Variants in FOCAD observed in about 807,000 individuals in gnomAD.
FOCAD encodes the protein KIAA1797.
Under a neutral mutation model 225.6 loss-of-function variants are expected in FOCAD, and 198 were observed. The ratio of observed to expected loss-of-function variants is 0.88; its 90% CI spans 0.78 to 0.99. FOCAD has a LOEUF of 0.99. FOCAD is among the 50% of genes least tolerant of loss of function. The probability of loss-of-function intolerance (pLI) is 0.00; values close to 1 mark genes in which losing one functional copy is unlikely to be tolerated. For missense variants in FOCAD, 2,713 were observed against 2,123.6 expected (o/e 1.28, Z -5.46); for synonymous variants, 897 against 755.0 (o/e 1.19, Z -3.08).
At chr9:20,864,377 C>A (rs574756800) in intron 16 of FOCAD, among the ~76,000 whole-genome samples, 1 of 152,204 alleles carries the variant, frequency 6.6e-6, no homozygotes, top group East Asian at 1.9e-4. Context: ...TCCAATAAAA[C>A]CAAACCACTT....
rs1840682277 is a variant in FOCAD at position 20,981,370 on chromosome 9, A to G, written c.4378-56A>G. ...CACAGTGATGATGTACAGGTTTTGAACATTGCAAACCCAGACTTGCCTATT... is the reference window on the plus strand; with the variant it reads ...CACAGTGATGATGTACAGGTTTTGAGCATTGCAAACCCAGACTTGCCTATT... On this transcript the variant is annotated intron_variant, in intron 37 of 43. Coordinates refer to ENST00000338382, the MANE Select transcript of FOCAD (RefSeq NM_001375567.1). 4 of 1,582,586 alleles carry G rather than the reference A, an allele frequency of 2.5e-6. No individual in the cohort carries two copies. In the African/African-American group the frequency reaches 4.0e-5, roughly 16 times the overall value.
At chr9:20,964,510 C>T (rs952809548) in intron 35 of FOCAD, among the ~76,000 whole-genome samples, 1 of 152,106 alleles carries the variant, frequency 6.6e-6, no homozygotes, top group African/African-American at 2.4e-5. Context: ...GGTAGCATAG[C>T]ACAGAAGAGT....
At chr9:20,710,828 C>T (rs1824789502) in intron 1 of FOCAD, among the ~76,000 whole-genome samples, 1 of 151,998 alleles carries the variant, frequency 6.6e-6, no homozygotes, top group African/African-American at 2.4e-5. Context: ...GAGCACAGGG[C>T]CAAATTTGAA....
At chr9:20,713,745 C>T (rs116202450) in intron 1 of FOCAD, among the ~76,000 whole-genome samples, 1,696 of 152,132 alleles carry the variant, frequency 0.011, 36 homozygotes, top group African/African-American at 0.038. Context: ...AATATATGTC[C>T]GCATAGAATC....
intron 10 of FOCAD, among the ~76,000 whole-genome samples, chr9:20,784,505 G>A (rs1819714870): frequency 6.6e-6 from 1 of 152,190 alleles, no homozygotes; most frequent in African/African-American, 2.4e-5. Context: ...GGGAGTAAGG[G>A]TGGATGGGTG....
chr9:20,780,411 C>T (rs569444114), intron 9 of FOCAD, among the ~76,000 whole-genome samples: 4 of 152,166 alleles, frequency 2.6e-5, no homozygotes, highest in Admixed American at 1.3e-4. Flanking sequence ...ATCAAACAGT[C>T]AAATACTTTT....
At chr9:20,840,811 G>A (rs1420690550) in intron 15 of FOCAD, among the ~76,000 whole-genome samples, 1 of 151,910 alleles carries the variant, frequency 6.6e-6, no homozygotes, top group Non-Finnish European at 1.5e-5. Context: ...ATTGTAGAGG[G>A]AAGAATTTCA....
intron 35 of FOCAD, among the ~76,000 whole-genome samples, chr9:20,966,151 A>G (rs1452390139): frequency 6.6e-6 from 1 of 152,114 alleles, no homozygotes; most frequent in East Asian, 1.9e-4. Context: ...CATTCTTGCA[A>G]GCAATATAGG....
intron 42 of FOCAD, among the ~76,000 whole-genome samples, 200 bp downstream of exon 42, chr9:20,990,574 A>G (rs1292605205): frequency 6.6e-6 from 1 of 152,214 alleles, no homozygotes; most frequent in Non-Finnish European, 1.5e-5. Flanking sequence ...TTAAACAACA[A>G]GGTGGCAGCT....
chr9:20,907,635 A>G (rs1833091533), intron 22 of FOCAD, among the ~76,000 whole-genome samples: 3 of 151,820 alleles, frequency 2.0e-5, no homozygotes, highest in Admixed American at 1.3e-4. Context: ...CTTCCCCCAT[A>G]TTTTTATGTT....
intron 21 of FOCAD, among the ~76,000 whole-genome samples, chr9:20,897,515 G>T (rs1331559488): frequency 6.9e-6 from 1 of 145,496 alleles, no homozygotes; most frequent in Non-Finnish European, 1.5e-5. Context: ...TTTCTCTTTT[G>T]TTAGCATATC....
chr9:20,677,459 A>G (rs919100908), intron 2 of FOCAD, among the ~76,000 whole-genome samples: 7 of 152,208 alleles, frequency 4.6e-5, no homozygotes, highest in Non-Finnish European at 7.3e-5. Context: ...ATATTTGCCA[A>G]CTATTTATGT....
At chr9:20,674,218 ATTAC>A (rs939456581) in intron 2 of FOCAD, among the ~76,000 whole-genome samples, 21 of 152,240 alleles carry the variant, frequency 1.4e-4, no homozygotes, top group African/African-American at 4.3e-4. Context: ...TTCTAAGCTT[ATTAC>A]TTCTGAATTA....
chr9:20,725,125 T>C (rs186105441), intron 4 of FOCAD, among the ~76,000 whole-genome samples: 2 of 152,272 alleles, frequency 1.3e-5, no homozygotes, highest in East Asian at 3.9e-4. Context: ...TGAGCCAAGA[T>C]CGCACTACTG....
At chr9:20,669,949 T>C (rs773125251) in intron 2 of FOCAD, among the ~76,000 whole-genome samples, 5 of 152,268 alleles carry the variant, frequency 3.3e-5, no homozygotes, top group Middle Eastern at 6.8e-3. Flanking sequence ...TATTTGCAAA[T>C]GAAATGGTTA....
At chr9:20,722,844 G>GC (rs375650259) in intron 4 of FOCAD, among the ~76,000 whole-genome samples, 77 of 151,788 alleles carry the variant, frequency 5.1e-4, no homozygotes, top group African/African-American at 1.8e-3. Context: ...GGTATTTTTT[G>GC]CCCCCCACCC....
At chr9:20,989,463 A>G (rs989295295) in intron 41 of FOCAD, among the ~76,000 whole-genome samples, 1 of 152,192 alleles carries the variant, frequency 6.6e-6, no homozygotes, top group African/African-American at 2.4e-5. Flanking sequence ...TATAATCACC[A>G]TTTCTATGAT....
intron 35 of FOCAD, among the ~76,000 whole-genome samples, chr9:20,964,785 C>T (rs748895069): frequency 1.1e-4 from 17 of 152,132 alleles, no homozygotes; most frequent in East Asian, 5.8e-4. Flanking sequence ...CCATCCTCCT[C>T]GGCCTCCCAA....
intron 28 of FOCAD, among the ~76,000 whole-genome samples, chr9:20,944,239 C>T (rs1053010983): frequency 2.0e-5 from 3 of 152,196 alleles, no homozygotes; most frequent in African/African-American, 4.8e-5. Flanking sequence ...CCTTATGCAG[C>T]TGATCACAGT....
Sources: allele counts gnomAD v4.1 joint callset (sites outside exome capture counted in the v4.1 genomes callset), GRCh38; gene constraint gnomAD v4.1.1; transcripts MANE v1.5; gene names NCBI Gene and HGNC (gene_info 2026-07-23, HGNC 2026-07-21).